The following CASK variants were observed in gnomAD, a reference collection of about 807,000 sequenced individuals.
The protein encoded by CASK is peripheral plasma membrane protein CASK.
In CASK, 4 loss-of-function variants were observed where a neutral mutation model predicts 82.9. The observed-to-expected ratio is 0.05, with a 90% CI of 0.02 to 0.11. The LOEUF is 0.11. Among genes scored for constraint, CASK ranks in the 10% least tolerant of loss-of-function variants. CASK has a pLI of 1.00. For synonymous variants in CASK, 259 were observed against 253.5 expected, an observed-to-expected ratio of 1.02 and a Z score of -0.20; for missense variants, 358 against 720.9, an observed-to-expected ratio of 0.50 and a Z score of 5.76.
intron 5 of CASK, among the ~76,000 whole-genome samples, chrX:41,720,543 C>A (rs1177851641): frequency 8.9e-6 from 1 of 112,415 alleles, no homozygotes; most frequent in Non-Finnish European, 1.9e-5. Context: ...TCTTCTCTTT[C>A]TGCATACCAG....
intron 3 of CASK, among the ~76,000 whole-genome samples, chrX:41,762,172 T>C (rs1012021450): frequency 3.6e-5 from 4 of 112,189 alleles, no homozygotes; most frequent in Admixed American, 9.5e-5. Flanking sequence ...GATTTGAATA[T>C]AGGAAATCTG....
At chrX:41,652,687 G>A (rs1028470713) in intron 8 of CASK, among the ~76,000 whole-genome samples, 1 of 112,012 alleles carries the variant, frequency 8.9e-6, no homozygotes, top group Admixed American at 9.4e-5. Flanking sequence ...AGGGTTCAGG[G>A]AGTTTCCGGA....
chrX:41,635,953 A>G (rs1441595920), intron 9 of CASK, among the ~76,000 whole-genome samples: 1 of 95,121 alleles, frequency 1.1e-5, no homozygotes, highest in Non-Finnish European at 2.0e-5. Flanking sequence ...CTGGAGTGCA[A>G]TGGTGTGATC....
intron 11 of CASK, among the ~76,000 whole-genome samples, chrX:41,613,358 G>A (rs1260907251): frequency 9.9e-6 from 1 of 100,821 alleles, no homozygotes; most frequent in Non-Finnish European, 2.0e-5. Context: ...TCTGAAACAT[G>A]TGCTGTGTCC....
intron 1 of CASK, among the ~76,000 whole-genome samples, chrX:41,905,106 T>C (rs1198880267): frequency 8.9e-6 from 1 of 112,359 alleles, no homozygotes; most frequent in African/African-American, 3.2e-5. Flanking sequence ...TTCCATTGTG[T>C]GCAACTACCA....
At chrX:41,881,256 A>G (rs2071948876) in intron 1 of CASK, among the ~76,000 whole-genome samples, 1 of 111,845 alleles carries the variant, frequency 8.9e-6, no homozygotes, top group African/African-American at 3.2e-5. Flanking sequence ...AGTAGAAAGA[A>G]TAACGATCAA....
intron 15 of CASK, among the ~76,000 whole-genome samples, chrX:41,573,492 C>T (rs766999143): frequency 1.6e-4 from 18 of 111,122 alleles, no homozygotes; most frequent in African/African-American, 5.9e-4. Flanking sequence ...CTCAGTGATG[C>T]TCTTTTCATC....
chrX:41,517,763 G>T lies in CASK; in HGVS notation c.*2657C>A. On this transcript the variant is annotated 3_prime_UTR_variant, in exon 27 of 27. Transcript: ENST00000378163. The stretch of plus-strand genomic sequence containing the variant: ...TGATTGCTTAGTGGACAATTGTAAT[G>T]TAGCAGTAGCAGCAGCAGCAGCAGC... 1.3e-6 allele frequency: 1 copy of T among 751,224 alleles called. No individual in the cohort carries two copies. The allele number at this position is 751,224 out of a possible 1,213,427, so 61.9% of individuals were successfully genotyped here.
chrX:41,658,753 G>A (rs760932225), intron 8 of CASK, among the ~76,000 whole-genome samples: 7 of 111,633 alleles, frequency 6.3e-5, no homozygotes, highest in Non-Finnish European at 1.3e-4. Context: ...CAGAAGGATG[G>A]ATGTCAAATG....
At chrX:41,843,932 T>C (rs370764356) in intron 2 of CASK, among the ~76,000 whole-genome samples, 2 of 111,686 alleles carry the variant, frequency 1.8e-5, no homozygotes, top group Non-Finnish European at 3.8e-5. Context: ...AATTCATCAG[T>C]TGGTAGACAT....
At position 41,866,346 on chromosome X, in the gene CASK, T is replaced by G. The variant is rs148242452; in HGVS notation, c.60-13119A>C. Among the ~76,000 whole-genome samples, 265 of 112,555 alleles carry G rather than the reference T, an allele frequency of 2.4e-3. 1 individual carries two copies. Among genetic ancestry groups the G allele is most frequent in the African/African-American group, 8.2e-3 (253 of 30,964 alleles). ...GCCAGAGAAAGCAGGCTTTTTGTTC[T>G]GCTTTCTTTGCCCACTGGTGATTCT... On this transcript the variant is annotated intron_variant, in intron 1 of 26. Transcript: ENST00000378163.
chrX:41,775,033 T>A (rs1485353650), intron 3 of CASK, among the ~76,000 whole-genome samples: 1 of 109,171 alleles, frequency 9.2e-6, no homozygotes, highest in East Asian at 2.9e-4. Context: ...AATTGACAAA[T>A]GGGATCTAAT....
chrX:41,842,566 C>CAAAA (rs2071064792), intron 2 of CASK, among the ~76,000 whole-genome samples: 1 of 97,553 alleles, frequency 1.0e-5, no homozygotes. Flanking sequence ...ACTCTGTCTC[C>CAAAA]AGGAAAAAAA....
At chrX:41,686,737 T>C (rs1402106404) in intron 5 of CASK, among the ~76,000 whole-genome samples, 1 of 112,081 alleles carries the variant, frequency 8.9e-6, no homozygotes, top group Admixed American at 9.5e-5. Context: ...TCATTTTACA[T>C]GGCAAGGTTC....
At chrX:41,769,387 G>T (rs1258123849) in intron 3 of CASK, among the ~76,000 whole-genome samples, 1 of 108,570 alleles carries the variant, frequency 9.2e-6, no homozygotes, top group Admixed American at 9.9e-5. Context: ...TAGAGATGAG[G>T]TCTCACTATA....
At chrX:41,536,674 T>C (rs187063107) in intron 22 of CASK, among the ~76,000 whole-genome samples, 1 of 112,565 alleles carries the variant, frequency 8.9e-6, no homozygotes, top group Non-Finnish European at 1.9e-5. Context: ...ATTTGTTTTC[T>C]TTTGATAACT....
In CASK at chrX:41,888,919, T is replaced by C. The variant is rs55699916; in HGVS notation, c.59+34011A>G. Among the ~76,000 whole-genome samples the C allele has an allele frequency of 4.6e-3, 504 of 109,404 alleles. 1 individual carries two copies. Among genetic ancestry groups the C allele is most frequent in the Non-Finnish European group, 7.3e-3 (385 of 52,604 alleles). ...TTGATGGGCATTTGGGCTAGTTCCA[T>C]ATTTTTGCAATTGCAAATTGTGCTG... On this transcript the variant is annotated intron_variant, in intron 1 of 26. Transcript: ENST00000378163.
chrX:41,675,615 C>G, intron 5 of CASK: 1 of 544,600 alleles, frequency 1.8e-6, no homozygotes, highest in Non-Finnish European at 3.0e-6. Flanking sequence ...ACATGAAAAC[C>G]ACATGGGAAA....
intron 5 of CASK, among the ~76,000 whole-genome samples, chrX:41,718,289 C>T (rs757589730): frequency 1.5e-4 from 17 of 113,026 alleles, no homozygotes; most frequent in Non-Finnish European, 2.8e-4. Context: ...TATAATAAAT[C>T]GGTAAACGTA....
Sources: gnomAD v4.1 joint callset for allele counts (sites outside exome capture counted in the v4.1 genomes callset) on GRCh38, gnomAD v4.1.1 for gene constraint, MANE v1.5 for transcripts, NCBI Gene and HGNC (gene_info 2026-07-23, HGNC 2026-07-21) for gene names.